Variants in DLGAP1 observed in about 807,000 individuals in gnomAD.
The protein encoded by DLGAP1 is disks large-associated protein 1.
DLGAP1 carries 11 observed loss-of-function variants against 90.8 expected under a neutral mutation model. The observed-to-expected ratio is 0.12, with a 90% CI of 0.08 to 0.20. The LOEUF (loss-of-function observed/expected upper bound fraction) is 0.20, where lower values mean the gene tolerates loss of function less well. Among genes scored for constraint, DLGAP1 ranks in the 10% least tolerant of loss-of-function variants. The pLI is 1.00. For synonymous variants in DLGAP1, 558 were observed against 540.7 expected (o/e 1.03, Z -0.44); for missense variants, 1,050 against 1,333.8 (o/e 0.79, Z 3.31).
Position 3,879,968 on chromosome 18 carries a change from A to G in DLGAP1, c.101T>C (p.Leu34Pro), listed in dbSNP as rs1284154616. The G allele has an allele frequency of 3.1e-6, 5 of 1,612,826 alleles. No individual in the cohort carries two copies. The African/African-American group carries it at 6.7e-5, about 21-fold the overall frequency. Reference protein sequence around the residue: ...SHHSDRKPYLLSPVEHHPADH... With the variant: ...SHHSDRKPYLPSPVEHHPADH... ...TGCGGGGTGGTGCTCCACTGGGCTC[A>G]GCAGGTAGGGCTTGCGGTCGGAGTG... The change falls in exon 4 of 13, where the codon CTG (leucine) becomes CCG (proline). Residue 34 changes from leucine (L) to proline (P), a missense_variant. This residue lies in a region of DLGAP1 where 485 missense variants were observed against 454.1 expected (regional missense o/e 1.07). Transcript: ENST00000315677. This position sits in a 1 kb window ranked among gnomAD's most constrained non-coding sequence, Gnocchi z 6.6.
At chr18:3,703,776 C>T (rs938100560) in intron 7 of DLGAP1, among the ~76,000 whole-genome samples, 4 of 152,212 alleles carry the variant, frequency 2.6e-5, no homozygotes, top group Admixed American at 2.0e-4. Flanking sequence ...TTCACAGACT[C>T]CATTTACGGT....
Position 3,586,004 on chromosome 18 carries a change from C to T in DLGAP1, c.1592-3756G>A, listed in dbSNP as rs573511914. ...ACTCCCCAGGCCAACTGCAATTGGA[C>T]GCCACCTGGTGGCTGTTGTCAGCTC... On this transcript the variant is annotated intron_variant, in intron 7 of 12. Transcript: ENST00000315677. 1.6e-4 allele frequency among the ~76,000 whole-genome samples: 25 copies of T among 152,276 alleles called. No individual in the cohort carries two copies. In the East Asian group the frequency reaches 4.6e-3, roughly 28 times the overall value.
chr18:3,565,282 G>C lies in DLGAP1; in HGVS notation c.2057+2208C>G, dbSNP rs141547937. Among the ~76,000 whole-genome samples the C allele has an allele frequency of 0.014, 2,156 of 152,072 alleles. 25 individuals carry two copies. Among genetic ancestry groups the C allele is most frequent in the Middle Eastern group, 0.024 (7 of 294 alleles). On this transcript the variant is annotated intron_variant, in intron 9 of 12. Coordinates refer to ENST00000315677, the MANE Select transcript of DLGAP1 (RefSeq NM_004746.4). The surrounding 1 kb of genome is among the most constrained non-coding windows in gnomAD (Gnocchi z 4.0). ...TCCTGCCTCAGCCTCCCGAGTTCCT[G>C]GGATTACAGGAACCCACCACCACGC... is the stretch of plus-strand genomic sequence containing the variant.
At chr18:3,712,616 T>C (rs2061632355) in intron 7 of DLGAP1, among the ~76,000 whole-genome samples, 1 of 152,186 alleles carries the variant, frequency 6.6e-6, no homozygotes, top group Non-Finnish European at 1.5e-5. Context: ...GGAGACAATA[T>C]GGTGCGTGAA....
intron 1 of DLGAP1, among the ~76,000 whole-genome samples, chr18:4,303,446 C>A (rs1181309079): frequency 6.6e-6 from 1 of 152,170 alleles, no homozygotes; most frequent in Non-Finnish European, 1.5e-5. Flanking sequence ...GCAACCCCCA[C>A]AAACCTCCCT....
chr18:4,374,143 C>T (rs2081971093), intron 1 of DLGAP1, among the ~76,000 whole-genome samples: 2 of 151,980 alleles, frequency 1.3e-5, no homozygotes, highest in East Asian at 1.9e-4. Flanking sequence ...ATTTGGAGAG[C>T]CAGGCAAAAA....
intron 4 of DLGAP1, among the ~76,000 whole-genome samples, chr18:3,860,098 C>CAAAAAAAAAAAAAAAAAAAAAAA (rs1169488386): frequency 5.7e-5 from 6 of 104,944 alleles, no homozygotes; most frequent in Admixed American, 8.8e-5. Context: ...GACTCTGTCT[C>CAAAAAAAAAAAAAAAAAAAAAAA]AAAAAATAAA....
At chr18:3,798,691 T>C (rs1411324368) in intron 5 of DLGAP1, among the ~76,000 whole-genome samples, 2 of 152,190 alleles carry the variant, frequency 1.3e-5, no homozygotes, top group East Asian at 3.8e-4. Flanking sequence ...GTAACATTTG[T>C]AGCTTGCACA....
intron 1 of DLGAP1, chr18:4,293,305 T>C (rs895929672): frequency 6.6e-6 from 1 of 152,248 alleles, no homozygotes; most frequent in African/African-American, 2.4e-5. Flanking sequence ...ACTCAGTGGA[T>C]GGTCAAGTTT....
intron 7 of DLGAP1, among the ~76,000 whole-genome samples, chr18:3,693,383 A>T (rs1176170398): frequency 6.6e-6 from 1 of 152,232 alleles, no homozygotes; most frequent in East Asian, 1.9e-4. Context: ...GGCATCAGCC[A>T]TAGTGTCTGG....
intron 4 of DLGAP1, among the ~76,000 whole-genome samples, chr18:3,866,128 T>C (rs1487921491): frequency 1.3e-5 from 2 of 152,302 alleles, no homozygotes; most frequent in Non-Finnish European, 2.9e-5. Context: ...AGTGATTTTG[T>C]AGTCTGAGTC....
intron 2 of DLGAP1, among the ~76,000 whole-genome samples, chr18:4,011,849 C>G (rs1706051089): frequency 6.6e-6 from 1 of 151,894 alleles, no homozygotes; most frequent in Non-Finnish European, 1.5e-5. Flanking sequence ...ACAACAACAA[C>G]AACAACACAA....
At chr18:3,851,610 G>C (rs2069346468) in intron 4 of DLGAP1, among the ~76,000 whole-genome samples, 1 of 152,054 alleles carries the variant, frequency 6.6e-6, no homozygotes. Context: ...TATGGCCTAT[G>C]ACATGAATTT....
At chr18:3,907,034 G>A (rs2071923167) in intron 3 of DLGAP1, among the ~76,000 whole-genome samples, 2 of 152,168 alleles carry the variant, frequency 1.3e-5, no homozygotes, top group South Asian at 4.1e-4. Context: ...GTAATCTAGA[G>A]ATGATTTAAA....
At chr18:4,205,887 A>G (rs2077710828) in intron 1 of DLGAP1, among the ~76,000 whole-genome samples, 1 of 152,204 alleles carries the variant, frequency 6.6e-6, no homozygotes, top group Non-Finnish European at 1.5e-5. Flanking sequence ...GTGCTTGATG[A>G]AAGAAGTAAC....
chr18:4,414,406 T>C (rs1423297035), intron 1 of DLGAP1, among the ~76,000 whole-genome samples: 2 of 152,172 alleles, frequency 1.3e-5, no homozygotes, highest in African/African-American at 2.4e-5. Context: ...AATGTCATTA[T>C]GACATAATTT....
At chr18:3,838,679 C>T (rs1446460223) in intron 4 of DLGAP1, among the ~76,000 whole-genome samples, 2 of 152,156 alleles carry the variant, frequency 1.3e-5, no homozygotes, top group Non-Finnish European at 2.9e-5. Context: ...CAAATGTGAA[C>T]ATGATGCTTT....
chr18:3,924,852 T>C lies in DLGAP1; in HGVS notation c.-72-44712A>G, dbSNP rs551640013. Among the ~76,000 whole-genome samples, 283 of 152,338 alleles carry C rather than the reference T, an allele frequency of 1.9e-3. 1 individual carries two copies. The highest frequency in any genetic ancestry group is 3.1e-3 in the Non-Finnish European group (209 of 68,032). The stretch of plus-strand genomic sequence containing the variant: ...TTGCCCACCTTTTGCTTGTACTTTA[T>C]GGTGACATCTAACATCTGTTCTTGA... On this transcript the variant is annotated intron_variant, in intron 3 of 12. Coordinates refer to ENST00000315677, the MANE Select transcript of DLGAP1 (RefSeq NM_004746.4).
At chr18:4,090,300 G>C (rs1241806093) in intron 2 of DLGAP1, among the ~76,000 whole-genome samples, 1 of 152,120 alleles carries the variant, frequency 6.6e-6, no homozygotes, top group Non-Finnish European at 1.5e-5. Flanking sequence ...TATCATCAGA[G>C]TGAACAGACA....
Sources: allele counts gnomAD v4.1 joint callset (sites outside exome capture counted in the v4.1 genomes callset), GRCh38; gene constraint gnomAD v4.1.1; regional missense constraint gnomAD v4.1.1; non-coding constraint Gnocchi (gnomAD v3.1); transcripts MANE v1.5; gene names NCBI Gene and HGNC (gene_info 2026-07-23, HGNC 2026-07-21).